MYO18B: variants seen among roughly 807,000 people sequenced by gnomAD.
MYO18B encodes unconventional myosin-XVIIIb.
A neutral mutation model predicts 273.0 loss-of-function variants in MYO18B; 204 were observed. That is an observed-to-expected ratio of 0.75 (90% CI 0.67 to 0.84). MYO18B has a LOEUF of 0.84. Among genes scored for constraint, MYO18B ranks in the 40% least tolerant of loss-of-function variants. The probability of loss-of-function intolerance (pLI) is 0.00; values close to 1 mark genes in which losing one functional copy is unlikely to be tolerated. For missense variants in MYO18B, 3,212 were observed against 3,287.6 expected (o/e 0.98, Z 0.56); for synonymous variants, 1,330 against 1,305.7 (o/e 1.02, Z -0.40).
At chr22:25,949,119 A>T (rs1208177463) in intron 36 of MYO18B, among the ~76,000 whole-genome samples, 1 of 152,142 alleles carries the variant, frequency 6.6e-6, no homozygotes, top group Non-Finnish European at 1.5e-5. Flanking sequence ...GTTGAAGGGA[A>T]TCAATTGGCA....
intron 27 of MYO18B, among the ~76,000 whole-genome samples, chr22:25,893,987 T>C (rs1287565797): frequency 6.6e-6 from 1 of 152,172 alleles, no homozygotes; most frequent in Non-Finnish European, 1.5e-5. Context: ...ATTTATCCAT[T>C]AATCCTCCAC....
intron 39 of MYO18B, among the ~76,000 whole-genome samples, chr22:25,982,834 A>G (rs1362662403): frequency 2.0e-5 from 3 of 152,192 alleles, no homozygotes; most frequent in South Asian, 2.1e-4. Context: ...ACGGATTTAC[A>G]TGTTGCCGGA....
At chr22:25,779,980 A>G in intron 8 of MYO18B, 76 bp from the exon 9 acceptor site, 1 of 1,471,602 alleles carries the variant, frequency 6.8e-7, no homozygotes, top group Admixed American at 2.2e-5. Flanking sequence ...GGCCGTGGAA[A>G]AGGTGGACCT....
chr22:25,756,238 T>C (rs994206760), intron 1 of MYO18B: 2 of 152,212 alleles, frequency 1.3e-5, no homozygotes, highest in South Asian at 2.1e-4. Context: ...TATTCCTTTA[T>C]AGCAACACAA....
At chr22:25,925,359 C>T (rs186281582) in intron 34 of MYO18B, among the ~76,000 whole-genome samples, 372 of 152,062 alleles carry the variant, frequency 2.4e-3, no homozygotes, top group African/African-American at 8.1e-3. Context: ...CTTTCGAGTT[C>T]AGTGGTAGCA....
intron 40 of MYO18B, among the ~76,000 whole-genome samples, chr22:25,992,792 A>T (rs1383511965): frequency 1.3e-5 from 2 of 152,228 alleles, no homozygotes; most frequent in Non-Finnish European, 2.9e-5. Context: ...ATCTTGGCCT[A>T]ATTCTCTCAT....
intron 39 of MYO18B, among the ~76,000 whole-genome samples, chr22:25,959,674 T>A (rs997482775): frequency 3.9e-5 from 6 of 152,172 alleles, no homozygotes; most frequent in Non-Finnish European, 7.3e-5. Flanking sequence ...CAACAAACGT[T>A]TATTGAGTTG....
In MYO18B at chr22:25,903,742, A is replaced by C. The variant is rs1486079604; in HGVS notation, c.5059A>C (p.Lys1687Gln). 1.9e-6 allele frequency: 3 copies of C among 1,605,404 alleles called. No individual in the cohort carries two copies. Among genetic ancestry groups the C allele is most frequent in the Non-Finnish European group, 2.6e-6 (3 of 1,175,984 alleles). Residue 1687 changes from lysine to glutamine, a missense_variant, in exon 31 of 44, where the codon AAG becomes CAG. Coordinates refer to ENST00000335473, the MANE Select transcript of MYO18B (RefSeq NM_032608.7). ...GGGGGAAAATTGCGTTGCTGGCTTG[A>C]AGGAGAGGCTCTGGAAGTTGGAATC... is the stretch of plus-strand genomic sequence containing the variant. ...SLGENCVAGL[K>Q]ERLWKLESSA...
In MYO18B at chr22:26,004,812, CCTT is replaced by C. The variant is rs542037563; in HGVS notation, c.6430_6432del (p.Ser2144del). 34 of 1,613,774 alleles carry C rather than the reference CCTT, an allele frequency of 2.1e-5. 1 individual carries two copies. Among genetic ancestry groups the C allele is most frequent in the Non-Finnish European group, 2.9e-5 (34 of 1,179,818 alleles). ...CCTGGCCACAGATACTATGAGGACT[CCTT>C]CTCGACAGTCAGCCACCAGCAGCCG... On this transcript the variant is annotated inframe_deletion, in exon 42 of 44. Transcript: ENST00000335473.
chr22:25,777,081 T>G (rs1005473168), intron 7 of MYO18B, among the ~76,000 whole-genome samples: 3 of 152,232 alleles, frequency 2.0e-5, no homozygotes, highest in African/African-American at 7.2e-5. Context: ...ATTATTTTAC[T>G]GAATGAAGTA....
At chr22:25,805,303 A>T (rs772015147) in intron 12 of MYO18B, among the ~76,000 whole-genome samples, 3 of 152,200 alleles carry the variant, frequency 2.0e-5, no homozygotes, top group Non-Finnish European at 4.4e-5. Flanking sequence ...CCGAGCTTGG[A>T]CTGGGACTCA....
chr22:25,794,109 A>G (rs2087799847), intron 11 of MYO18B, among the ~76,000 whole-genome samples: 1 of 151,538 alleles, frequency 6.6e-6, no homozygotes, highest in South Asian at 2.1e-4. Flanking sequence ...AATTTTTTGT[A>G]TTTTTGGTAG....
In MYO18B at chr22:25,902,633, A is replaced by G; in HGVS notation, c.4844A>G (p.Gln1615Arg). 2 of 1,606,616 alleles carry G rather than the reference A, an allele frequency of 1.2e-6. No individual in the cohort carries two copies. Among genetic ancestry groups the G allele is most frequent in the East Asian group, 2.2e-5 (1 of 44,626 alleles). The change falls in exon 30 of 44, where the codon CAG becomes CGG. Residue 1615 changes from glutamine to arginine, a missense_variant. Transcript: ENST00000335473. Reference sequence around the variant, plus strand: ...CACAGGTTTGACCTGCAGCTGGCCCAGGCCCTAGGTGAGTCAGTGTTTGAG... The same window carrying G: ...CACAGGTTTGACCTGCAGCTGGCCCGGGCCCTAGGTGAGTCAGTGTTTGAG... ...KQKKFDLQLA[Q>R]ALGESVFEKG...
At chr22:25,751,613 C>T (rs2085932659) in intron 1 of MYO18B, among the ~76,000 whole-genome samples, 1 of 152,182 alleles carries the variant, frequency 6.6e-6, no homozygotes, top group South Asian at 2.1e-4. Flanking sequence ...TGCTGGGGGA[C>T]CTCAGACAAG....
At chr22:25,778,830 G>T (rs932814273) in intron 8 of MYO18B, among the ~76,000 whole-genome samples, 1 of 151,462 alleles carries the variant, frequency 6.6e-6, no homozygotes, top group Non-Finnish European at 1.5e-5. Flanking sequence ...GCCCTATAAG[G>T]TAGGTATTAT....
At chr22:26,017,325 A>G (rs559343148) in intron 42 of MYO18B, among the ~76,000 whole-genome samples, 20 of 144,786 alleles carry the variant, frequency 1.4e-4, no homozygotes, top group African/African-American at 4.7e-4. Flanking sequence ...ATCTATGTTT[A>G]AACACATTTT....
chr22:26,044,583 C>G, the MYO18B span, among the ~76,000 whole-genome samples: 1 of 152,236 alleles, frequency 6.6e-6, no homozygotes. Context: ...AACATTATCT[C>G]CATTTTCACA....
intron 1 of MYO18B, among the ~76,000 whole-genome samples, chr22:25,743,934 A>G (rs1481509393): frequency 6.6e-6 from 1 of 152,196 alleles, no homozygotes; most frequent in African/African-American, 2.4e-5. Context: ...CTGTTTTAAA[A>G]TGCAGATTCC....
intron 16 of MYO18B, among the ~76,000 whole-genome samples, chr22:25,833,964 C>T (rs974570072): frequency 2.0e-5 from 3 of 152,078 alleles, no homozygotes; most frequent in Non-Finnish European, 2.9e-5. Context: ...GCCCAGCTGA[C>T]TGTTGTCAGT....
Sources: allele counts gnomAD v4.1 joint callset (sites outside exome capture counted in the v4.1 genomes callset), GRCh38; gene constraint gnomAD v4.1.1; transcripts MANE v1.5; gene names NCBI Gene and HGNC (gene_info 2026-07-23, HGNC 2026-07-21).